The following AGMO variants were observed in gnomAD, a reference collection of about 807,000 sequenced individuals.
AGMO encodes glyceryl-ether monooxygenase.
Under a neutral mutation model 60.2 loss-of-function variants are expected in AGMO, and 75 were observed. The observed-to-expected ratio is 1.25, with a 90% CI of 1.03 to 1.51. AGMO has a LOEUF of 1.51. AGMO is among the 40% of genes most tolerant of loss of function. The pLI is 0.00. For synonymous variants in AGMO, 261 were observed against 177.1 expected (o/e 1.47, Z -3.76); for missense variants, 763 against 525.5 (o/e 1.45, Z -4.42).
intron 12 of AGMO, among the ~76,000 whole-genome samples, chr7:15,356,458 A>T (rs567933758): frequency 1.3e-5 from 2 of 152,278 alleles, no homozygotes; most frequent in African/African-American, 4.8e-5. Context: ...CATATATAGT[A>T]TATAAGATAC....
At chr7:15,242,560 C>T (rs1439700188) in intron 12 of AGMO, among the ~76,000 whole-genome samples, 2 of 152,094 alleles carry the variant, frequency 1.3e-5, no homozygotes, top group African/African-American at 2.4e-5. Flanking sequence ...AGTATCTAAC[C>T]TGGGCATATT....
rs143258176 is a variant in AGMO, at chr7:15,369,544, G to A, written c.1075-3322C>T. On this transcript the variant is annotated intron_variant, in intron 10 of 12. Coordinates refer to ENST00000342526, the MANE Select transcript of AGMO (RefSeq NM_001004320.2). ...ATGACTTCCCCTAGTGATCATTAGGGTGCATTTCATTCAGGTCTCTATTCA... is the reference window on the plus strand; with the variant it reads ...ATGACTTCCCCTAGTGATCATTAGGATGCATTTCATTCAGGTCTCTATTCA... Among the ~76,000 whole-genome samples the A allele has an allele frequency of 3.4e-4, 52 of 151,936 alleles. 1 individual carries two copies. Among genetic ancestry groups the A allele is most frequent in the African/African-American group, 1.2e-3 (49 of 41,348 alleles).
intron 3 of AGMO, among the ~76,000 whole-genome samples, chr7:15,432,728 C>G (rs565878149): frequency 3.0e-4 from 45 of 151,918 alleles, no homozygotes; most frequent in African/African-American, 1.1e-3. Flanking sequence ...TCTATGCTAG[C>G]AATTAAGGAA....
chr7:15,554,603 T>TTTTC (rs1317966197), intron 2 of AGMO, among the ~76,000 whole-genome samples: 1 of 152,118 alleles, frequency 6.6e-6, no homozygotes. Flanking sequence ...AGTGAACTGA[T>TTTTC]TTTCTGTGTG....
the AGMO span, among the ~76,000 whole-genome samples, chr7:15,181,074 C>T: frequency 1.8e-4 from 28 of 152,278 alleles, no homozygotes; most frequent in Admixed American, 4.6e-4. Context: ...GGGCAGATCC[C>T]TCATGACCTA....
intron 4 of AGMO, among the ~76,000 whole-genome samples, chr7:15,429,213 C>T (rs954120174): frequency 2.6e-5 from 4 of 151,988 alleles, no homozygotes; most frequent in African/African-American, 7.2e-5. Flanking sequence ...CCCAAATTCA[C>T]ATGTTGAAAT....
intron 12 of AGMO, among the ~76,000 whole-genome samples, chr7:15,205,782 A>C (rs1781424486): frequency 6.6e-6 from 1 of 152,186 alleles, no homozygotes; most frequent in South Asian, 2.1e-4. Context: ...AATTTTTAAG[A>C]ATTAGAATAT....
intron 3 of AGMO, among the ~76,000 whole-genome samples, chr7:15,444,133 TTATATAG>T (rs1781637605): frequency 6.6e-6 from 1 of 152,152 alleles, no homozygotes. Flanking sequence ...CCGTTGTTTT[TTATATAG>T]TATCGAATAT....
At chr7:15,338,147 T>C (rs182355871) in intron 12 of AGMO, among the ~76,000 whole-genome samples, 3 of 152,298 alleles carry the variant, frequency 2.0e-5, no homozygotes, top group Admixed American at 2.0e-4. Context: ...CTCTGTGTAA[T>C]ATTATAATTA....
chr7:15,159,446 T>C, the AGMO span, among the ~76,000 whole-genome samples: 2 of 152,194 alleles, frequency 1.3e-5, no homozygotes, highest in Non-Finnish European at 2.9e-5. Flanking sequence ...TGCATGCTCC[T>C]AGGGCATGAG....
At chr7:15,400,274 A>ACC (rs200591003) in intron 5 of AGMO, among the ~76,000 whole-genome samples, 1 of 151,528 alleles carries the variant, frequency 6.6e-6, no homozygotes, top group African/African-American at 2.4e-5. Context: ...GATTATCACC[A>ACC]CCCCCCCAAG....
At chr7:15,401,809 G>C (rs1278377158) in intron 5 of AGMO, among the ~76,000 whole-genome samples, 1 of 152,122 alleles carries the variant, frequency 6.6e-6, no homozygotes, top group Non-Finnish European at 1.5e-5. Context: ...AAACATGCAT[G>C]TGCAAGATGA....
At chr7:15,263,035 G>A (rs1437097325) in intron 12 of AGMO, among the ~76,000 whole-genome samples, 1 of 151,928 alleles carries the variant, frequency 6.6e-6, no homozygotes, top group African/African-American at 2.4e-5. Flanking sequence ...ACCTCATGAC[G>A]AAGAACCCAA....
chr7:15,186,120 C>T, the AGMO span, among the ~76,000 whole-genome samples: 7 of 152,134 alleles, frequency 4.6e-5, no homozygotes, highest in Admixed American at 3.3e-4. Flanking sequence ...AGACTCTCCC[C>T]CTTATTGGAA....
rs369354710 is a variant in AGMO, at chr7:15,324,731, G to A, written c.1263+40783C>T. Among the ~76,000 whole-genome samples the A allele has an allele frequency of 2.6e-5, 4 of 152,198 alleles. No homozygotes were observed. The East Asian group carries it at 7.8e-4, about 30-fold the overall frequency. ...GAAACTGTTCCACCTCAGATCATCA[G>A]GCATTAGATTCTCACAAGGACTGCG... is the stretch of plus-strand genomic sequence containing the variant. On this transcript the variant is annotated intron_variant, in intron 12 of 12. Coordinates refer to ENST00000342526, the MANE Select transcript of AGMO (RefSeq NM_001004320.2).
intron 3 of AGMO, among the ~76,000 whole-genome samples, chr7:15,458,364 T>C (rs1782050874): frequency 1.3e-5 from 2 of 152,188 alleles, no homozygotes; most frequent in Admixed American, 1.3e-4. Flanking sequence ...TAATTCATAA[T>C]GTGCAGGAGT....
At chr7:15,468,200 T>C (rs1053526639) in intron 3 of AGMO, among the ~76,000 whole-genome samples, 9 of 152,190 alleles carry the variant, frequency 5.9e-5, no homozygotes, top group African/African-American at 2.2e-4. Flanking sequence ...AAAATACTGT[T>C]GTAGCTGTTA....
chr7:15,401,538 G>T (rs1784552241), intron 5 of AGMO, among the ~76,000 whole-genome samples: 1 of 151,982 alleles, frequency 6.6e-6, no homozygotes, highest in Admixed American at 6.6e-5. Flanking sequence ...CCTAAATATT[G>T]GGAATGTCAC....
intron 3 of AGMO, among the ~76,000 whole-genome samples, chr7:15,514,502 C>G (rs1191336377): frequency 1.3e-5 from 2 of 152,062 alleles, no homozygotes; most frequent in Admixed American, 1.3e-4. Context: ...AAAGTTGAGG[C>G]TCAGAGAAAT....
Sources: gnomAD v4.1 joint callset for allele counts (sites outside exome capture counted in the v4.1 genomes callset) on GRCh38, gnomAD v4.1.1 for gene constraint, MANE v1.5 for transcripts, NCBI Gene and HGNC (gene_info 2026-07-23, HGNC 2026-07-21) for gene names.